Variants in AKNA observed in about 807,000 individuals in gnomAD.
The protein encoded by AKNA is microtubule organization protein AKNA.
A neutral mutation model predicts 138.8 loss-of-function variants in AKNA; 67 were observed. That is an observed-to-expected ratio of 0.48 (90% CI 0.40 to 0.59). The LOEUF is 0.59. AKNA is among the 20% of genes least tolerant of loss of function. AKNA has a pLI of 0.00. For synonymous variants in AKNA, 737 were observed against 754.4 expected (o/e 0.98, Z 0.38); for missense variants, 1,813 against 1,880.4 (o/e 0.96, Z 0.66).
intron 18 of AKNA, chr9:114,344,940 G>A (rs188907066): frequency 2.6e-5 from 4 of 151,512 alleles, no homozygotes; most frequent in Admixed American, 2.0e-4. Flanking sequence ...CCCAGAATCT[G>A]AGGTCAGCAG....
In AKNA at chr9:114,362,523, CG is replaced by C; in HGVS notation, c.1798del (p.Arg600GlyfsTer2). 6.2e-6 allele frequency: 10 copies of C among 1,613,030 alleles called. No homozygotes were observed. Among genetic ancestry groups the C allele is most frequent in the Non-Finnish European group, 8.5e-6 (10 of 1,179,742 alleles). On this transcript the variant is annotated frameshift_variant, in exon 8 of 22. Transcript: ENST00000374088. LOFTEE classifies it high-confidence loss of function. ...TAGGGCCGCGTGGGCAGCCTTCAGC[CG>C]CTGGAAGCCCTGAAACCAGACCAGG... is the stretch of plus-strand genomic sequence containing the variant. ...MPQDQVKGFQ[R>X]LKAAHAALEE...
chr9:114,372,802 C>CGTCTCTT (rs1467079973), intron 4 of AKNA, among the ~76,000 whole-genome samples: 1 of 152,216 alleles, frequency 6.6e-6, no homozygotes, highest in Non-Finnish European at 1.5e-5. Flanking sequence ...CCAACTCCCC[C>CGTCTCTT]GTCTCTTCCA....
At chr9:114,358,314 CTG>C in intron 11 of AKNA, 147 bp from the exon 12 acceptor site, 1 of 1,096,848 alleles carries the variant, frequency 9.1e-7, no homozygotes, top group Non-Finnish European at 1.3e-6. Context: ...CACCTTCTAG[CTG>C]TGTGACCTAG....
intron 5 of AKNA, 57 bp from the exon 6 acceptor site, chr9:114,367,754 G>T: frequency 6.7e-7 from 1 of 1,497,796 alleles, no homozygotes; most frequent in South Asian, 1.3e-5. Flanking sequence ...AGGAGCTGAA[G>T]GACTGAGGCT....
chr9:114,361,488 T>C (rs1417082851), intron 9 of AKNA, among the ~76,000 whole-genome samples: 4 of 151,934 alleles, frequency 2.6e-5, no homozygotes, highest in Non-Finnish European at 5.9e-5. Flanking sequence ...TCTGTGAAGG[T>C]AGACGCCACC....
upstream of AKNA, among the ~76,000 whole-genome samples, chr9:114,392,277 C>A (rs576078795): frequency 6.6e-6 from 1 of 152,162 alleles, no homozygotes; most frequent in South Asian, 2.1e-4. Flanking sequence ...TTGGAACCTG[C>A]GGCTTAATGA....
chr9:114,344,243 G>T, intron 18 of AKNA: 2 of 181,742 alleles, frequency 1.1e-5, no homozygotes, highest in South Asian at 1.9e-4. Flanking sequence ...CTCGGGCACA[G>T]GGTCAGTGGT....
At chr9:114,366,995 G>C (rs1429811950) in intron 6 of AKNA, among the ~76,000 whole-genome samples, 2 of 152,098 alleles carry the variant, frequency 1.3e-5, no homozygotes, top group African/African-American at 4.8e-5. Context: ...TTTTCAGAAT[G>C]TGGCTAAAAC....
At chr9:114,369,641 C>T (rs1832617414) in intron 4 of AKNA, among the ~76,000 whole-genome samples, 1 of 152,116 alleles carries the variant, frequency 6.6e-6, no homozygotes, top group Admixed American at 6.6e-5. Flanking sequence ...ATCTTCACCA[C>T]CACCGTCATC....
downstream of AKNA, among the ~76,000 whole-genome samples, chr9:114,332,480 A>T (rs1283295954): frequency 6.6e-6 from 1 of 152,138 alleles, no homozygotes; most frequent in Admixed American, 6.5e-5. Context: ...TACCTGTGAA[A>T]TCACAGCACC....
chr9:114,375,807 G>T (rs542276080), intron 3 of AKNA, among the ~76,000 whole-genome samples: 2 of 152,250 alleles, frequency 1.3e-5, no homozygotes, highest in Admixed American at 6.5e-5. Flanking sequence ...TATAGCAGAA[G>T]TTGAAAAGAA....
intron 1 of AKNA, among the ~76,000 whole-genome samples, chr9:114,385,240 G>T (rs933484192): frequency 6.6e-6 from 1 of 152,170 alleles, no homozygotes; most frequent in African/African-American, 2.4e-5. Flanking sequence ...CCCTGCCAGG[G>T]ATCTTAAGCT....
intron 16 of AKNA, 131 bp from the exon 17 acceptor site, chr9:114,346,915 C>CAA: frequency 1.4e-6 from 1 of 723,100 alleles, no homozygotes. Flanking sequence ...AAGTCAAAGC[C>CAA]AGACTCTGAA....
At chr9:114,392,068 T>A (rs1339460739), upstream of AKNA, among the ~76,000 whole-genome samples, 1 of 132,004 alleles carries the variant, frequency 7.6e-6, no homozygotes, top group Non-Finnish European at 1.5e-5. Flanking sequence ...ATCATGTCAC[T>A]GCGCTCCAGC....
chr9:114,335,348 T>C lies in AKNA; in HGVS notation c.*1706A>G, dbSNP rs1829945101. On this transcript the variant is annotated 3_prime_UTR_variant, in exon 22 of 22. Coordinates refer to ENST00000374088, the MANE Select transcript of AKNA (RefSeq NM_001317950.2). ...ATTGGAACCCCACTCTCCTCATCAGTAAAAGGGGGGCAGAGTGAGGGTCCT... is the reference window on the plus strand; with the variant it reads ...ATTGGAACCCCACTCTCCTCATCAGCAAAAGGGGGGCAGAGTGAGGGTCCT... The C allele has an allele frequency of 6.6e-6, 1 of 152,056 alleles. No individual in the cohort carries two copies. The highest frequency in any genetic ancestry group is 2.4e-5 in the African/African-American group (1 of 41,378). 9.4% of individuals were successfully genotyped at this position (152,056 alleles called of 1,614,324 possible).
In AKNA at chr9:114,377,386, A is replaced by C. The variant is rs1422339244; in HGVS notation, c.421T>G (p.Ser141Ala). ...CCAGCCTCATACCCCAACCTTGAGG[A>C]GCTCTCTCCAGCCTCCTCAACCTCC... Reference protein sequence around the residue: ...SLEVEEAGESSSRLGYEAGLS... With the variant: ...SLEVEEAGESASRLGYEAGLS... The change falls in exon 3 of 22, where the codon TCC becomes GCC. Residue 141 changes from serine to alanine, a missense_variant. By Grantham distance (99) the Ser-to-Ala change is moderately conservative. Transcript: ENST00000374088. 4 of 1,613,790 alleles carry C rather than the reference A, an allele frequency of 2.5e-6. No individual in the cohort carries two copies. Among genetic ancestry groups the C allele is most frequent in the Non-Finnish European group, 3.4e-6 (4 of 1,179,910 alleles).
intron 4 of AKNA, among the ~76,000 whole-genome samples, chr9:114,369,290 G>A (rs528194821): frequency 1.3e-5 from 2 of 152,216 alleles, no homozygotes; most frequent in Non-Finnish European, 2.9e-5. Context: ...AAGCAGAGTT[G>A]AGAGAACTAT....
At chr9:114,373,606 T>G (rs1260936421) in intron 4 of AKNA, among the ~76,000 whole-genome samples, 1 of 151,968 alleles carries the variant, frequency 6.6e-6, no homozygotes, top group Non-Finnish European at 1.5e-5. Flanking sequence ...GGGCTCATGG[T>G]AGCTCAGGCC....
At chr9:114,380,701 T>G (rs1027639857) in intron 2 of AKNA, among the ~76,000 whole-genome samples, 3 of 151,772 alleles carry the variant, frequency 2.0e-5, no homozygotes, top group Non-Finnish European at 4.4e-5. Flanking sequence ...GAATGTGTGA[T>G]GGCCGGGCTT....
Sources: allele counts gnomAD v4.1 joint callset (sites outside exome capture counted in the v4.1 genomes callset), GRCh38; gene constraint gnomAD v4.1.1; transcripts MANE v1.5; gene names NCBI Gene and HGNC (gene_info 2026-07-23, HGNC 2026-07-21).